The following FANCL variants were observed in gnomAD, a reference collection of about 807,000 sequenced individuals.
FANCL encodes the protein FA complementation group L, also known as E3 ubiquitin-protein ligase FANCL.
In FANCL, 69 loss-of-function variants were observed where a neutral mutation model predicts 59.4. That is an observed-to-expected ratio of 1.16 (90% confidence interval 0.96 to 1.42). The LOEUF (loss-of-function observed/expected upper bound fraction) is 1.42, where lower values mean the gene tolerates loss of function less well. Ranked by LOEUF, FANCL falls within the 40% of genes most tolerant of loss-of-function variation. The pLI is 0.00. For synonymous variants in FANCL, 180 were observed against 147.1 expected (o/e 1.22, Z -1.62); for missense variants, 519 against 447.2 (o/e 1.16, Z -1.45).
At chr2:58,231,052 T>C (rs1269150665) in intron 2 of FANCL, among the ~76,000 whole-genome samples, 2 of 152,212 alleles carry the variant, frequency 1.3e-5, no homozygotes, top group African/African-American at 4.8e-5. Flanking sequence ...TTGCTAACCA[T>C]GCCTTGCTTA....
intron 7 of FANCL, among the ~76,000 whole-genome samples, chr2:58,187,903 T>C (rs1340915768): frequency 6.6e-6 from 1 of 152,172 alleles, no homozygotes; most frequent in Non-Finnish European, 1.5e-5. Context: ...AATAGTGTCT[T>C]TCAAGAACAG....
At chr2:58,176,065 C>T (rs1342319647) in intron 7 of FANCL, among the ~76,000 whole-genome samples, 20 of 152,086 alleles carry the variant, frequency 1.3e-4, no homozygotes, top group Non-Finnish European at 2.5e-4. Context: ...AGGAATCCAA[C>T]TTACAAGGGA....
intron 2 of FANCL, among the ~76,000 whole-genome samples, chr2:58,230,404 G>A (rs1008828450): frequency 3.9e-5 from 6 of 152,032 alleles, no homozygotes; most frequent in African/African-American, 1.2e-4. Context: ...CTAGGCTCAA[G>A]AAACCCTCCC....
intron 5 of FANCL, among the ~76,000 whole-genome samples, chr2:58,216,162 T>C (rs1384351211): frequency 2.0e-5 from 3 of 152,174 alleles, no homozygotes; most frequent in African/African-American, 7.2e-5. Context: ...ACCTGGCTCT[T>C]GCTTGGAAGC....
intron 7 of FANCL, among the ~76,000 whole-genome samples, chr2:58,173,861 G>T (rs1220986114): frequency 6.6e-6 from 1 of 152,036 alleles, no homozygotes; most frequent in Non-Finnish European, 1.5e-5. Flanking sequence ...AAAGAGTCAA[G>T]ACCCATCAGT....
intron 5 of FANCL, among the ~76,000 whole-genome samples, chr2:58,214,026 T>C (rs1489180951): frequency 6.6e-6 from 1 of 152,148 alleles, no homozygotes; most frequent in Non-Finnish European, 1.5e-5. Context: ...CCTGTCTATA[T>C]ACACTTGTTT....
intron 1 of FANCL, among the ~76,000 whole-genome samples, chr2:58,240,968 G>C (rs1447483150): frequency 6.6e-6 from 1 of 152,216 alleles, no homozygotes; most frequent in East Asian, 1.9e-4. Flanking sequence ...AAGGGCTAGG[G>C]AGAGAGGAGG....
chr2:58,193,612 A>G (rs1689150882), intron 7 of FANCL, among the ~76,000 whole-genome samples: 1 of 152,128 alleles, frequency 6.6e-6, no homozygotes, highest in South Asian at 2.1e-4. Flanking sequence ...ACTGCCAACA[A>G]AGAAAAAGCA....
chr2:58,196,508 T>C (rs13006005), intron 7 of FANCL, among the ~76,000 whole-genome samples: 11,946 of 151,958 alleles, frequency 0.079, 622 homozygotes, highest in East Asian at 0.2. Context: ...AAAACTTGTA[T>C]GACCCAATTA....
intron 3 of FANCL, 49 bp from the exon 4 acceptor site, chr2:58,226,833 A>G: frequency 6.6e-7 from 1 of 1,509,366 alleles, no homozygotes; most frequent in Non-Finnish European, 9.2e-7. Flanking sequence ...TAAATATTCT[A>G]TCCACTAAAA....
intron 7 of FANCL, among the ~76,000 whole-genome samples, chr2:58,171,632 T>C (rs912521386): frequency 6.6e-6 from 1 of 152,154 alleles, no homozygotes; most frequent in Non-Finnish European, 1.5e-5. Flanking sequence ...GGAGCCAAGA[T>C]GGCCGAATAG....
chr2:58,187,076 A>G (rs1022209442), intron 7 of FANCL, among the ~76,000 whole-genome samples: 1 of 152,170 alleles, frequency 6.6e-6, no homozygotes, highest in African/African-American at 2.4e-5. Flanking sequence ...TATATACCCA[A>G]AGGATTATAA....
In FANCL at chr2:58,159,376, C is replaced by G. The variant is rs760023098; in HGVS notation, c.*389G>C. On this transcript the variant is annotated 3_prime_UTR_variant, in exon 14 of 14. Coordinates refer to ENST00000233741, the MANE Select transcript of FANCL (RefSeq NM_018062.4). ...AAGCACAAGGAGAAGACAGAAATAT[C>G]AAGAGTCTCAAGAACCTTTGAATGA... The G allele has an allele frequency of 5.6e-6, 9 of 1,609,806 alleles. No individual in the cohort carries two copies. The highest frequency in any genetic ancestry group is 5.4e-5 in the African/African-American group (4 of 74,522).
chr2:58,201,593 G>C, intron 6 of FANCL, among the ~76,000 whole-genome samples: 1 of 151,950 alleles, frequency 6.6e-6, no homozygotes, highest in East Asian at 1.9e-4. Context: ...TTTTCAAGTA[G>C]TACTGATCTT....
intron 5 of FANCL, among the ~76,000 whole-genome samples, chr2:58,207,423 A>T (rs886289538): frequency 1.3e-5 from 2 of 152,206 alleles, no homozygotes; most frequent in Non-Finnish European, 2.9e-5. Context: ...CAATAGCCAC[A>T]CATGGCTACT....
intron 6 of FANCL, among the ~76,000 whole-genome samples, chr2:58,199,859 G>A (rs1689817280): frequency 6.6e-6 from 1 of 151,808 alleles, no homozygotes; most frequent in Non-Finnish European, 1.5e-5. Flanking sequence ...ACTTTTTTCA[G>A]CCTCTTATTT....
chr2:58,194,228 C>T, intron 7 of FANCL: 1 of 471,082 alleles, frequency 2.1e-6, no homozygotes, highest in Non-Finnish European at 4.4e-6. Flanking sequence ...GGCACACTTA[C>T]AGGCAAAACC....
intron 7 of FANCL, among the ~76,000 whole-genome samples, chr2:58,167,929 G>C (rs956212785): frequency 6.6e-6 from 1 of 151,844 alleles, no homozygotes; most frequent in Non-Finnish European, 1.5e-5. Context: ...TGCTTATTTT[G>C]TCCATTAAAT....
At chr2:58,198,728 G>A in intron 6 of FANCL, 66 bp from the exon 7 acceptor site, 1 of 1,307,046 alleles carries the variant, frequency 7.7e-7, no homozygotes, top group East Asian at 2.4e-5. Flanking sequence ...AGGTATTTTA[G>A]AAAAACTAGA....
Sources: gnomAD v4.1 joint callset for allele counts (sites outside exome capture counted in the v4.1 genomes callset) on GRCh38, gnomAD v4.1.1 for gene constraint, MANE v1.5 for transcripts, NCBI Gene and HGNC (gene_info 2026-07-23, HGNC 2026-07-21) for gene names.